The following BAZ1A variants were observed in gnomAD, a reference collection of about 807,000 sequenced individuals.
The protein encoded by BAZ1A is bromodomain adjacent to zinc finger domain protein 1A.
BAZ1A carries 50 observed loss-of-function variants against 185.2 expected under a neutral mutation model. The observed-to-expected ratio is 0.27, with a 90% CI of 0.22 to 0.34. The LOEUF is 0.34. BAZ1A is among the 10% of genes least tolerant of loss of function. BAZ1A has a pLI of 1.00. For missense variants in BAZ1A, 1,356 were observed against 1,839.9 expected, an observed-to-expected ratio of 0.74 and a Z score of 4.81; for synonymous variants, 571 against 615.6, an observed-to-expected ratio of 0.93 and a Z score of 1.07.
chr14:34,784,949 TG>T (rs1880338460), intron 14 of BAZ1A, among the ~76,000 whole-genome samples: 1 of 151,888 alleles, frequency 6.6e-6, no homozygotes, highest in Non-Finnish European at 1.5e-5. Context: ...CTCTGCCTCC[TG>T]GGTTCAAGCG....
chr14:34,759,178 T>TG (rs1886403968), intron 24 of BAZ1A, among the ~76,000 whole-genome samples: 1 of 89,708 alleles, frequency 1.1e-5, no homozygotes, highest in Non-Finnish European at 2.2e-5. Flanking sequence ...ACAGTTTTTT[T>TG]TTTTTTTTTT....
chr14:34,837,179 A>T (rs1303485122), intron 3 of BAZ1A, among the ~76,000 whole-genome samples: 1 of 151,920 alleles, frequency 6.6e-6, no homozygotes, highest in Non-Finnish European at 1.5e-5. Context: ...ATATCACAAG[A>T]TGATAATCAC....
In BAZ1A at chr14:34,873,701, T is replaced by A. The variant is rs565218481; in HGVS notation, c.113+791A>T. 6.2e-3 allele frequency among the ~76,000 whole-genome samples: 937 copies of A among 152,258 alleles called. 17 individuals carry two copies. The highest frequency in any genetic ancestry group is 0.022 in the African/African-American group (905 of 41,556). ...CGCCCAAGGCCCTGCTTCTTCCCCC[T>A]TCCTCTTCCCCTTGCCCAGCCGCGA... On this transcript the variant is annotated intron_variant, in intron 2 of 26. Transcript: ENST00000360310.
chr14:34,795,543 C>T, intron 10 of BAZ1A, 127 bp downstream of exon 10: 2 of 561,506 alleles, frequency 3.6e-6, no homozygotes, highest in Non-Finnish European at 2.9e-6. Flanking sequence ...ATTTGCTTAA[C>T]TAGCTATTTC....
chr14:34,785,052 C>T (rs1412018062), intron 14 of BAZ1A, among the ~76,000 whole-genome samples: 1 of 152,084 alleles, frequency 6.6e-6, no homozygotes, highest in African/African-American at 2.4e-5. Flanking sequence ...GATGGTGTTT[C>T]ACCATGTTGG....
intron 4 of BAZ1A, among the ~76,000 whole-genome samples, chr14:34,823,018 T>G (rs2042110274): frequency 6.6e-6 from 1 of 152,122 alleles, no homozygotes; most frequent in South Asian, 2.1e-4. Context: ...TCATCTCAGA[T>G]CACCTCACAG....
At chr14:34,823,228 G>A (rs1056769374) in intron 4 of BAZ1A, among the ~76,000 whole-genome samples, 6 of 151,980 alleles carry the variant, frequency 3.9e-5, no homozygotes, top group African/African-American at 9.7e-5. Context: ...GGTGGCACGC[G>A]CCTGTAGTCT....
chr14:34,809,058 A>C (rs941492187), intron 5 of BAZ1A, among the ~76,000 whole-genome samples: 2 of 152,216 alleles, frequency 1.3e-5, no homozygotes, highest in African/African-American at 4.8e-5. Context: ...ACAGTATAAC[A>C]ATGATTTACA....
At chr14:34,820,704 G>A (rs1282082287) in intron 4 of BAZ1A, among the ~76,000 whole-genome samples, 1 of 151,690 alleles carries the variant, frequency 6.6e-6, no homozygotes, top group Admixed American at 6.6e-5. Flanking sequence ...TTTACACTTA[G>A]GTCTACAAAC....
intron 3 of BAZ1A, among the ~76,000 whole-genome samples, chr14:34,847,150 C>G (rs2042526947): frequency 6.6e-6 from 1 of 151,360 alleles, no homozygotes; most frequent in African/African-American, 2.4e-5. Context: ...ATTTGGGAGG[C>G]TGAGGCACGA....
At chr14:34,763,053 C>T (rs1886591551) in intron 23 of BAZ1A, among the ~76,000 whole-genome samples, 1 of 152,132 alleles carries the variant, frequency 6.6e-6, no homozygotes, top group African/African-American at 2.4e-5. Context: ...ACGCCAAGAA[C>T]CTCTCTGTTG....
At chr14:34,826,479 T>C (rs913906072) in intron 3 of BAZ1A, among the ~76,000 whole-genome samples, 2 of 152,226 alleles carry the variant, frequency 1.3e-5, no homozygotes. Context: ...ATCTTTCTTG[T>C]GTTTTAATGT....
intron 21 of BAZ1A, among the ~76,000 whole-genome samples, chr14:34,766,134 T>G (rs1242221786): frequency 6.6e-6 from 1 of 152,176 alleles, no homozygotes. Flanking sequence ...CCCATCTGTC[T>G]CTCAGTTTCC....
chr14:34,818,133 C>T (rs1178380775), intron 4 of BAZ1A, among the ~76,000 whole-genome samples: 3 of 152,170 alleles, frequency 2.0e-5, no homozygotes, highest in African/African-American at 7.2e-5. Flanking sequence ...GTGATATACA[C>T]ATACAATGGA....
At chr14:34,825,412 A>G (rs1330743489) in intron 4 of BAZ1A, among the ~76,000 whole-genome samples, 1 of 128,964 alleles carries the variant, frequency 7.8e-6, no homozygotes, top group Non-Finnish European at 1.6e-5. Context: ...GCACCATTGC[A>G]CTCCAGCCTG....
At chr14:34,764,415 C>T (rs1878680164) in intron 23 of BAZ1A, among the ~76,000 whole-genome samples, 2 of 151,126 alleles carry the variant, frequency 1.3e-5, no homozygotes. Context: ...ACCTCAGCCT[C>T]CCGAGTAGCT....
At chr14:34,755,852 G>A (rs561102335) in intron 25 of BAZ1A, among the ~76,000 whole-genome samples, 219 of 143,236 alleles carry the variant, frequency 1.5e-3, no homozygotes, top group African/African-American at 5.1e-3. Flanking sequence ...ACAGGGTCTT[G>A]CTCTGTCACC....
At chr14:34,772,581 A>G (rs1286619676) in intron 20 of BAZ1A, among the ~76,000 whole-genome samples, 1 of 152,240 alleles carries the variant, frequency 6.6e-6, no homozygotes, top group East Asian at 1.9e-4. Context: ...CTATAGATAT[A>G]TGGATATAGA....
chr14:34,843,119 TAAAA>T (rs11389052), intron 3 of BAZ1A, among the ~76,000 whole-genome samples: 3 of 141,232 alleles, frequency 2.1e-5, no homozygotes, highest in African/African-American at 7.9e-5. Flanking sequence ...AGGGACTGGC[TAAAA>T]AAAAAAAAAA....
Sources: gnomAD v4.1 joint callset for allele counts (sites outside exome capture counted in the v4.1 genomes callset) on GRCh38, gnomAD v4.1.1 for gene constraint, MANE v1.5 for transcripts, NCBI Gene and HGNC (gene_info 2026-07-23, HGNC 2026-07-21) for gene names.